DAAM2: variants seen among roughly 807,000 people sequenced by gnomAD.
DAAM2 encodes disheveled-associated activator of morphogenesis 2.
A neutral mutation model predicts 120.7 loss-of-function variants in DAAM2; 39 were observed. The observed-to-expected ratio is 0.32, with a 90% CI of 0.25 to 0.42. The LOEUF (loss-of-function observed/expected upper bound fraction) is 0.42, where lower values mean the gene tolerates loss of function less well. DAAM2 is among the 10% of genes least tolerant of loss of function. The pLI is 1.00. For missense variants in DAAM2, 1,283 were observed against 1,401.7 expected, an observed-to-expected ratio of 0.92 and a Z score of 1.35; for synonymous variants, 488 against 524.9, an observed-to-expected ratio of 0.93 and a Z score of 0.96.
At position 39,901,392 on chromosome 6, in the gene DAAM2, T is replaced by A; in HGVS notation, c.2902T>A (p.Phe968Ile). The A allele has an allele frequency of 6.2e-7, 1 of 1,613,760 alleles. No individual in the cohort carries two copies. The highest frequency in any genetic ancestry group is 8.5e-7 in the Non-Finnish European group (1 of 1,179,870). The change falls in exon 24 of 25, where the codon TTC (phenylalanine) becomes ATC (isoleucine). Residue 968 changes from phenylalanine (F) to isoleucine (I), a missense_variant. By Grantham distance (21) the Phe-to-Ile change is conservative. Transcript: ENST00000274867. The surrounding 1 kb of genome is among the most constrained non-coding windows in gnomAD (Gnocchi z 4.5). ...FGIFDTFLQA[F>I]SEARQDLEAM... ...CATCTTTGATACCTTCTTGCAGGCC[T>A]TCTCAGAGGCCCGGCAGGATCTAGA...
chr6:39,827,675 T>C (rs1762724860), intron 1 of DAAM2, among the ~76,000 whole-genome samples: 1 of 152,188 alleles, frequency 6.6e-6, no homozygotes, highest in Admixed American at 6.5e-5. Flanking sequence ...CCTGGATTAC[T>C]CTTCAGGGTC....
At chr6:39,834,931 C>A (rs1184353612) in intron 1 of DAAM2, among the ~76,000 whole-genome samples, 2 of 152,146 alleles carry the variant, frequency 1.3e-5, no homozygotes, top group East Asian at 3.9e-4. Flanking sequence ...TCTGGCATTG[C>A]CTTCTCCAGA....
At chr6:39,860,122 T>C (rs1764152126) in intron 2 of DAAM2, among the ~76,000 whole-genome samples, 1 of 152,206 alleles carries the variant, frequency 6.6e-6, no homozygotes, top group Admixed American at 6.5e-5. Flanking sequence ...ATAGAGCTTT[T>C]CAGGGGCCGT....
chr6:39,868,440 G>T, intron 6 of DAAM2: 1 of 236,166 alleles, frequency 4.2e-6, no homozygotes, highest in Non-Finnish European at 8.3e-6. Flanking sequence ...CCAAAAACTG[G>T]GTCCTGACTC....
chr6:39,800,705 A>G (rs1265619180), intron 1 of DAAM2, among the ~76,000 whole-genome samples: 3 of 152,160 alleles, frequency 2.0e-5, no homozygotes, highest in African/African-American at 4.8e-5. Context: ...CCTGAAACCA[A>G]TGATGGTGGG....
At chr6:39,883,002 G>A (rs1328561595) in intron 14 of DAAM2, among the ~76,000 whole-genome samples, 1 of 152,076 alleles carries the variant, frequency 6.6e-6, no homozygotes, top group African/African-American at 2.4e-5. Flanking sequence ...AGGAAGAGGA[G>A]GCATTAAACA....
chr6:39,889,504 G>C (rs1258302693), intron 17 of DAAM2, among the ~76,000 whole-genome samples: 1 of 152,182 alleles, frequency 6.6e-6, no homozygotes, highest in Non-Finnish European at 1.5e-5. Flanking sequence ...ACACTCTACA[G>C]CTAAACATAT....
At chr6:39,892,013 A>C (rs1236607380) in intron 19 of DAAM2, among the ~76,000 whole-genome samples, 1 of 152,178 alleles carries the variant, frequency 6.6e-6, no homozygotes. Context: ...AAAGGTAGAA[A>C]AGATAATAAT....
chr6:39,830,945 A>G (rs1168513504), intron 1 of DAAM2, among the ~76,000 whole-genome samples: 1 of 152,176 alleles, frequency 6.6e-6, no homozygotes, highest in Non-Finnish European at 1.5e-5. Context: ...ACCATGTACC[A>G]AGGACCGGAG....
At chr6:39,858,109 G>A (rs751287264) in intron 2 of DAAM2, among the ~76,000 whole-genome samples, 3 of 151,902 alleles carry the variant, frequency 2.0e-5, no homozygotes, top group Non-Finnish European at 2.9e-5. Context: ...CAGAAGAAAC[G>A]GCATATGTGA....
chr6:39,868,113 T>C (rs922398260), intron 6 of DAAM2: 3 of 459,012 alleles, frequency 6.5e-6, no homozygotes, highest in Non-Finnish European at 1.2e-5. Flanking sequence ...AGCCGGAATA[T>C]TGGCCTGCAT....
chr6:39,897,993 C>T (rs2149375076), intron 21 of DAAM2, among the ~76,000 whole-genome samples: 1 of 152,300 alleles, frequency 6.6e-6, no homozygotes, highest in South Asian at 2.1e-4. Context: ...GTCTCAGGGT[C>T]TGCTTCTGGG....
intron 1 of DAAM2, among the ~76,000 whole-genome samples, chr6:39,804,933 G>A (rs1230867518): frequency 6.6e-6 from 1 of 152,162 alleles, no homozygotes; most frequent in Non-Finnish European, 1.5e-5. Context: ...ATTCTGGTGA[G>A]CAAAATTCCC....
intron 1 of DAAM2, among the ~76,000 whole-genome samples, chr6:39,847,531 G>A (rs533982600): frequency 2.0e-4 from 31 of 152,170 alleles, no homozygotes; most frequent in African/African-American, 7.0e-4. Context: ...AGACATGGGC[G>A]CTAAAATTCC....
intron 1 of DAAM2, among the ~76,000 whole-genome samples, chr6:39,844,690 T>G (rs1420491306): frequency 6.6e-6 from 1 of 152,120 alleles, no homozygotes; most frequent in African/African-American, 2.4e-5. Context: ...AATATTATGC[T>G]TGGGCAACTC....
intron 6 of DAAM2, 65 bp from the exon 7 acceptor site, chr6:39,868,758 T>G: frequency 1.6e-6 from 2 of 1,231,418 alleles, no homozygotes; most frequent in Non-Finnish European, 2.3e-6. Context: ...GGAGTAAAGA[T>G]GCAAAGGCCA....
chr6:39,894,917 C>G (rs1186813386), intron 19 of DAAM2, among the ~76,000 whole-genome samples: 2 of 151,988 alleles, frequency 1.3e-5, no homozygotes, highest in African/African-American at 4.8e-5. Context: ...CCATGCCTGG[C>G]CTGTTTTGAA....
Position 39,867,816 on chromosome 6 carries a change from G to C in DAAM2, c.735G>C (p.Val245=), listed in dbSNP as rs1314106894. ...KVLQAMLHYQ[V]YAAERTRFQT... ...TGCAGGCCATGCTGCACTACCAGGT[G>C]TATGCAGCAGAGCGAACCCGCTTCC... is the stretch of plus-strand genomic sequence containing the variant. The change falls in exon 6 of 25, where the codon GTG becomes GTC. Residue 245 remains valine (V), a synonymous_variant. Coordinates refer to ENST00000274867, the MANE Select transcript of DAAM2 (RefSeq NM_001201427.2). 1 of 1,606,284 alleles carries C rather than the reference G, an allele frequency of 6.2e-7. No homozygotes were observed. The highest frequency in any genetic ancestry group is 1.7e-5 in the Admixed American group (1 of 58,736).
intron 1 of DAAM2, among the ~76,000 whole-genome samples, chr6:39,793,784 C>G (rs1435920197): frequency 2.6e-5 from 4 of 152,186 alleles, no homozygotes; most frequent in Non-Finnish European, 4.4e-5. Context: ...TAGCACAGTG[C>G]CAGGCACTGC....
Sources: gnomAD v4.1 joint callset for allele counts (sites outside exome capture counted in the v4.1 genomes callset) on GRCh38, gnomAD v4.1.1 for gene constraint, Gnocchi (gnomAD v3.1) non-coding constraint, MANE v1.5 for transcripts, NCBI Gene and HGNC (gene_info 2026-07-23, HGNC 2026-07-21) for gene names.